The following MSRA variants were observed in gnomAD, a reference collection of about 807,000 sequenced individuals.
The protein encoded by MSRA is mitochondrial peptide methionine sulfoxide reductase.
MSRA carries 54 observed loss-of-function variants against 31.3 expected under a neutral mutation model. That is an observed-to-expected ratio of 1.73 (90% CI 1.39 to 2.17). MSRA has a LOEUF of 2.17. MSRA is among the 30% of genes most tolerant of loss of function. The pLI is 0.00. For synonymous variants in MSRA, 169 were observed against 116.5 expected (o/e 1.45, Z -2.90); for missense variants, 507 against 300.9 (o/e 1.69, Z -5.07).
At chr8:10,125,885 C>A (rs1463287099) in intron 1 of MSRA, among the ~76,000 whole-genome samples, 1 of 142,904 alleles carries the variant, frequency 7.0e-6, no homozygotes, top group Non-Finnish European at 1.6e-5. Context: ...GCTCCTAGTG[C>A]CTTTTGGCCA....
chr8:10,080,977 CAG>C (rs1798265959), intron 1 of MSRA, among the ~76,000 whole-genome samples: 1 of 152,192 alleles, frequency 6.6e-6, no homozygotes. Flanking sequence ...ACTGTCTTGA[CAG>C]AGAAGTAGCA....
chr8:10,184,132 G>C (rs1005282575), intron 1 of MSRA, among the ~76,000 whole-genome samples: 1 of 151,864 alleles, frequency 6.6e-6, no homozygotes, highest in African/African-American at 2.4e-5. Flanking sequence ...TGTTAGTGTT[G>C]ATAGTGATGG....
At chr8:10,077,483 T>G (rs76569289) in intron 1 of MSRA, among the ~76,000 whole-genome samples, 2 of 146,770 alleles carry the variant, frequency 1.4e-5, no homozygotes, top group African/African-American at 5.0e-5. Context: ...CTTCTCCTTT[T>G]TTTTTTTTTT....
chr8:10,177,381 G>A (rs1029081604), intron 1 of MSRA, among the ~76,000 whole-genome samples: 1 of 152,218 alleles, frequency 6.6e-6, no homozygotes, highest in African/African-American at 2.4e-5. Flanking sequence ...TTTGAATCAA[G>A]ATGCTTATGG....
chr8:10,331,744 A>T (rs1053622995), intron 5 of MSRA, among the ~76,000 whole-genome samples: 2 of 152,220 alleles, frequency 1.3e-5, no homozygotes, highest in African/African-American at 4.8e-5. Flanking sequence ...ATAAAATGAC[A>T]TTTACATATA....
rs1329413818 is a variant in MSRA, at chr8:10,236,579, C to G, written c.212-8525C>G. Among the ~76,000 whole-genome samples the G allele has an allele frequency of 5.9e-5, 9 of 152,174 alleles. No individual in the cohort carries two copies. In the East Asian group the frequency reaches 1.2e-3, roughly 20 times the overall value. On this transcript the variant is annotated intron_variant, in intron 2 of 5. Coordinates refer to ENST00000317173, the MANE Select transcript of MSRA (RefSeq NM_012331.5). ...TATTTTCTTGCGATGGAGTCTCACTCGCTCACTCAAGCTAGAGTGCAGTGG... is the reference window on the plus strand; with the variant it reads ...TATTTTCTTGCGATGGAGTCTCACTGGCTCACTCAAGCTAGAGTGCAGTGG...
At chr8:10,127,821 T>C (rs1201507840) in intron 1 of MSRA, among the ~76,000 whole-genome samples, 3 of 152,220 alleles carry the variant, frequency 2.0e-5, no homozygotes, top group Non-Finnish European at 4.4e-5. Flanking sequence ...GAAAACCTCA[T>C]CCTTTTATCT....
rs1442536891 is a variant in MSRA, at chr8:10,278,329, G to T, written c.332-23205G>T. Among the ~76,000 whole-genome samples, 10 of 152,164 alleles carry T rather than the reference G, an allele frequency of 6.6e-5. No individual in the cohort carries two copies. In the East Asian group the frequency reaches 1.9e-3, roughly 29 times the overall value. ...CTCTTGACCTGGTTCTGTCACTGTG[G>T]AATTGGACCACCTGCCATCACAAGT... is the stretch of plus-strand genomic sequence containing the variant. On this transcript the variant is annotated intron_variant, in intron 3 of 5. Coordinates refer to ENST00000317173, the MANE Select transcript of MSRA (RefSeq NM_012331.5).
intron 3 of MSRA, among the ~76,000 whole-genome samples, chr8:10,270,495 G>C (rs959796866): frequency 6.6e-6 from 1 of 152,028 alleles, no homozygotes; most frequent in Non-Finnish European, 1.5e-5. Flanking sequence ...AAGAAAGAGA[G>C]TTTTGCAGAT....
chr8:10,151,021 G>A lies in MSRA; in HGVS notation c.143-56812G>A, dbSNP rs1005597423. On this transcript the variant is annotated intron_variant, in intron 1 of 5. Coordinates refer to ENST00000317173, the MANE Select transcript of MSRA (RefSeq NM_012331.5). The stretch of plus-strand genomic sequence containing the variant: ...TGTGTGTGTCAGGTGGGCAGTGATG[G>A]GGGGGTGGGGATGAGGCATGGTGAT... Among the ~76,000 whole-genome samples the A allele has an allele frequency of 3.3e-5, 5 of 151,940 alleles. No homozygotes were observed. The East Asian group carries it at 7.7e-4, about 23-fold the overall frequency.
Position 10,063,845 on chromosome 8 carries a change from T to C in MSRA, c.142+9187T>C, listed in dbSNP as rs190286960. 7.2e-5 allele frequency among the ~76,000 whole-genome samples: 11 copies of C among 152,324 alleles called. No individual in the cohort carries two copies. In the East Asian group the frequency reaches 7.7e-4, roughly 11 times the overall value. On this transcript the variant is annotated intron_variant, in intron 1 of 5. Coordinates refer to ENST00000317173, the MANE Select transcript of MSRA (RefSeq NM_012331.5). Reference sequence around the variant, plus strand: ...GCTGCCAGGTTATGGTAAATTGTTATAGCAGTCTGGCGGACTGAGACACAG... The same window carrying C: ...GCTGCCAGGTTATGGTAAATTGTTACAGCAGTCTGGCGGACTGAGACACAG...
intron 1 of MSRA, among the ~76,000 whole-genome samples, chr8:10,155,249 G>T (rs914706009): frequency 3.3e-5 from 5 of 152,090 alleles, no homozygotes; most frequent in Admixed American, 3.3e-4. Context: ...ATTTAGGAGA[G>T]AGTAAATGAG....
At chr8:10,213,298 TTTG>T (rs1464550297) in intron 2 of MSRA, among the ~76,000 whole-genome samples, 1 of 152,150 alleles carries the variant, frequency 6.6e-6, no homozygotes, top group Non-Finnish European at 1.5e-5. Flanking sequence ...ACATGTGATG[TTTG>T]TCTTTTTGTG....
At chr8:10,065,235 A>T (rs751653402) in intron 1 of MSRA, among the ~76,000 whole-genome samples, 1 of 152,092 alleles carries the variant, frequency 6.6e-6, no homozygotes, top group East Asian at 1.9e-4. Context: ...GGTCCTGATA[A>T]CAGAGGGCAC....
intron 3 of MSRA, among the ~76,000 whole-genome samples, chr8:10,249,720 T>A (rs978489901): frequency 6.6e-6 from 1 of 152,158 alleles, no homozygotes; most frequent in East Asian, 1.9e-4. Context: ...CATGTTCTGA[T>A]GCATTTCTGA....
At chr8:10,135,410 T>C (rs1323385497) in intron 1 of MSRA, among the ~76,000 whole-genome samples, 3 of 152,236 alleles carry the variant, frequency 2.0e-5, no homozygotes, top group Non-Finnish European at 4.4e-5. Context: ...TTGCTCTGTT[T>C]TATATAAGAG....
intron 1 of MSRA, among the ~76,000 whole-genome samples, chr8:10,148,624 G>T (rs1047921129): frequency 1.3e-5 from 2 of 151,378 alleles, no homozygotes; most frequent in Non-Finnish European, 2.9e-5. Context: ...TTCAGCCTGG[G>T]CAAGAGAGTG....
At chr8:10,415,613 G>T (rs755022374) in intron 5 of MSRA, among the ~76,000 whole-genome samples, 11 of 152,060 alleles carry the variant, frequency 7.2e-5, no homozygotes, top group Non-Finnish European at 1.2e-4. Flanking sequence ...TTTTCCTGTG[G>T]TTGAGCCCCA....
intron 1 of MSRA, among the ~76,000 whole-genome samples, chr8:10,069,668 C>T (rs1797637428): frequency 6.6e-6 from 1 of 152,280 alleles, no homozygotes; most frequent in Middle Eastern, 3.4e-3. Context: ...TTTATAAGGG[C>T]TTTATTCTCA....
Sources: allele counts gnomAD v4.1 joint callset (sites outside exome capture counted in the v4.1 genomes callset), GRCh38; gene constraint gnomAD v4.1.1; transcripts MANE v1.5; gene names NCBI Gene and HGNC (gene_info 2026-07-23, HGNC 2026-07-21).